Variants in CUX2 observed in about 807,000 individuals in gnomAD.
The protein encoded by CUX2 is cut like homeobox 2, also known as homeobox protein cut-like 2.
A neutral mutation model predicts 144.8 loss-of-function variants in CUX2; 40 were observed. The ratio of observed to expected loss-of-function variants is 0.28; its 90% CI spans 0.21 to 0.36. The LOEUF (loss-of-function observed/expected upper bound fraction) is 0.36, where lower values mean the gene tolerates loss of function less well. Among genes scored for constraint, CUX2 ranks in the 10% least tolerant of loss-of-function variants. The pLI, the probability that CUX2 is intolerant of heterozygous loss-of-function variation, is 1.00. For missense variants in CUX2, 1,615 were observed against 1,994.0 expected (o/e 0.81, Z 3.62); for synonymous variants, 827 against 875.6 (o/e 0.94, Z 0.98).
chr12:111,345,828 G>A (rs1888779794), intron 21 of CUX2, among the ~76,000 whole-genome samples: 1 of 150,044 alleles, frequency 6.7e-6, no homozygotes, highest in Non-Finnish European at 1.5e-5. Context: ...GAAATAAACA[G>A]GCTGGGTGCG....
chr12:111,226,502 T>C (rs1166229493), intron 3 of CUX2, among the ~76,000 whole-genome samples: 1 of 152,218 alleles, frequency 6.6e-6, no homozygotes, highest in Non-Finnish European at 1.5e-5. Context: ...CCTTATAAAG[T>C]AAATTATTAA....
intron 3 of CUX2, among the ~76,000 whole-genome samples, chr12:111,225,411 G>A (rs1882084449): frequency 6.6e-6 from 1 of 152,196 alleles, no homozygotes; most frequent in Non-Finnish European, 1.5e-5. Context: ...ACATCAGCTG[G>A]CAAGGTTTAT....
Position 111,347,923 on chromosome 12 carries a change from A to T in CUX2, c.4059A>T (p.Gly1353=), listed in dbSNP as rs763389196. The change falls in exon 22 of 22, where the codon GGA becomes GGT. Residue 1353 remains glycine (G), a synonymous_variant. Coordinates refer to ENST00000261726, the MANE Select transcript of CUX2 (RefSeq NM_015267.4). ...KVAPGPLLPG[G]STPDCPSLHP... The stretch of plus-strand genomic sequence containing the variant: ...CTCCCGGGCCCCTCCTTCCAGGTGG[A>T]TCCACCCCAGACTGTCCCTCACTTC... 1 of 1,613,910 alleles carries T rather than the reference A, an allele frequency of 6.2e-7. No homozygotes were observed. The highest frequency in any genetic ancestry group is 1.3e-5 in the African/African-American group (1 of 74,904).
rs1197858944 is a variant in CUX2, at chr12:111,160,838, G to T, written c.64-53362G>T. Reference sequence around the variant, plus strand: ...AATGTGTCGGGATGGAATGAATGAAGATGACTCCCGGGCTCCTGGCCTGAA... The same window carrying T: ...AATGTGTCGGGATGGAATGAATGAATATGACTCCCGGGCTCCTGGCCTGAA... On this transcript the variant is annotated intron_variant, in intron 1 of 21. Transcript: ENST00000261726. This position sits in a 1 kb window ranked among gnomAD's most constrained non-coding sequence, Gnocchi z 4.1. Among the ~76,000 whole-genome samples, 2 of 152,164 alleles carry T rather than the reference G, an allele frequency of 1.3e-5. No individual in the cohort carries two copies. Among genetic ancestry groups the T allele is most frequent in the Non-Finnish European group, 2.9e-5 (2 of 68,018 alleles).
chr12:111,303,714 T>C (rs752347764), intron 9 of CUX2, among the ~76,000 whole-genome samples: 1 of 152,044 alleles, frequency 6.6e-6, no homozygotes, highest in Non-Finnish European at 1.5e-5. Context: ...CAATAACCTG[T>C]GGCCTGGGAA....
At chr12:111,125,344 T>A (rs1198390173) in intron 1 of CUX2, among the ~76,000 whole-genome samples, 1 of 152,154 alleles carries the variant, frequency 6.6e-6, no homozygotes, top group Non-Finnish European at 1.5e-5. Context: ...CGCACCAGGC[T>A]AATTTTGTGT....
chr12:111,085,434 T>C (rs773135726), intron 1 of CUX2, among the ~76,000 whole-genome samples: 3 of 152,078 alleles, frequency 2.0e-5, no homozygotes, highest in Non-Finnish European at 2.9e-5. Context: ...TTCCCTGATG[T>C]GGGAATGTGT....
chr12:111,267,306 G>C (rs1884437772), intron 4 of CUX2, among the ~76,000 whole-genome samples: 1 of 151,866 alleles, frequency 6.6e-6, no homozygotes, highest in Non-Finnish European at 1.5e-5. Context: ...ATTTTATCAA[G>C]CTCCCCTGTG....
At chr12:111,070,826 CT>C (rs1235292952) in intron 1 of CUX2, among the ~76,000 whole-genome samples, 9 of 152,198 alleles carry the variant, frequency 5.9e-5, no homozygotes, top group African/African-American at 1.9e-4. Flanking sequence ...ATAGTTTTGC[CT>C]TTTCCAGAAT....
chr12:111,150,919 C>T (rs1489355890), intron 1 of CUX2, among the ~76,000 whole-genome samples: 1 of 152,162 alleles, frequency 6.6e-6, no homozygotes, highest in Non-Finnish European at 1.5e-5. Flanking sequence ...CCCCAGCCTC[C>T]TGATTCCCAA....
intron 8 of CUX2, among the ~76,000 whole-genome samples, 173 bp from the exon 9 acceptor site, chr12:111,298,368 C>T (rs1886119739): frequency 6.6e-6 from 1 of 152,120 alleles, no homozygotes. Flanking sequence ...AGTGCTGACG[C>T]CCTACTCCCT....
At chr12:111,199,604 C>T (rs1412505243) in intron 1 of CUX2, among the ~76,000 whole-genome samples, 1 of 152,128 alleles carries the variant, frequency 6.6e-6, no homozygotes, top group Non-Finnish European at 1.5e-5. Context: ...TCCACAGGCC[C>T]TGGTCTAGGG....
chr12:111,187,916 A>C (rs938559644), intron 1 of CUX2, among the ~76,000 whole-genome samples: 2 of 152,374 alleles, frequency 1.3e-5, no homozygotes, highest in South Asian at 4.1e-4. Flanking sequence ...CACAGCTGCC[A>C]GGCACCCTGC....
At chr12:111,331,377 C>G (rs1011483807) in intron 18 of CUX2, among the ~76,000 whole-genome samples, 1 of 152,114 alleles carries the variant, frequency 6.6e-6, no homozygotes, top group Admixed American at 6.6e-5. Context: ...AGTTGAATGC[C>G]TCAAGGAAGA....
At chr12:111,309,170 G>T (rs541667485) in intron 14 of CUX2, among the ~76,000 whole-genome samples, 8 of 152,312 alleles carry the variant, frequency 5.3e-5, no homozygotes, top group African/African-American at 1.9e-4. Flanking sequence ...CTCCCAAAGT[G>T]CTGGGATTAC....
intron 21 of CUX2, among the ~76,000 whole-genome samples, chr12:111,345,723 G>A (rs1173921972): frequency 1.5e-4 from 21 of 140,548 alleles, no homozygotes; most frequent in Non-Finnish European, 2.7e-4. Flanking sequence ...GTGACAGAGC[G>A]AGACTCCGTC....
chr12:111,310,030 G>GTCT lies in CUX2; in HGVS notation c.1259-11_1259-10insTCT. The GTCT allele has an allele frequency of 7.7e-7, 1 of 1,300,756 alleles. No homozygotes were observed. The highest frequency in any genetic ancestry group is 9.7e-7 in the Non-Finnish European group (1 of 1,025,702). 80.6% of individuals were successfully genotyped at this position (1,300,756 alleles called of 1,614,324 possible). A position where few individuals can be genotyped will look rare whatever the true frequency, so the allele number is the denominator to read the frequency against. On this transcript the variant is annotated splice_polypyrimidine_tract_variant and intron_variant, in intron 14 of 21. Transcript: ENST00000261726. This position sits in a 1 kb window ranked among gnomAD's most constrained non-coding sequence, Gnocchi z 7.9. Reference sequence around the variant, plus strand: ...CGTCTGTCTGTCTGTCTGTCTGTCTGGGTGTTCTAGAGGAAGACCCATCAG... The same window carrying GTCT: ...CGTCTGTCTGTCTGTCTGTCTGTCTGTCTGGTGTTCTAGAGGAAGACCCATCAG...
chr12:111,045,687 T>C lies in CUX2; in HGVS notation c.63+11447T>C, dbSNP rs186376904. The stretch of plus-strand genomic sequence containing the variant: ...GAGCTGCACCTGCAATGATGGGCGC[T>C]GGGCTCGGAGCAGTCAGATCTTGCT... On this transcript the variant is annotated intron_variant, in intron 1 of 21. Coordinates refer to ENST00000261726, the MANE Select transcript of CUX2 (RefSeq NM_015267.4). Among the ~76,000 whole-genome samples, 3 of 152,336 alleles carry C rather than the reference T, an allele frequency of 2.0e-5. No individual in the cohort carries two copies. The East Asian group carries it at 5.8e-4, about 29-fold the overall frequency.
At chr12:111,044,479 T>C (rs921984820) in intron 1 of CUX2, among the ~76,000 whole-genome samples, 10 of 152,248 alleles carry the variant, frequency 6.6e-5, no homozygotes, top group Non-Finnish European at 1.3e-4. Context: ...TGGCACTTAC[T>C]GTTCCCTCTC....
Sources: allele counts gnomAD v4.1 joint callset (sites outside exome capture counted in the v4.1 genomes callset), GRCh38; gene constraint gnomAD v4.1.1; non-coding constraint Gnocchi (gnomAD v3.1); transcripts MANE v1.5; gene names NCBI Gene and HGNC (gene_info 2026-07-23, HGNC 2026-07-21).